The following POSTN variants were observed in gnomAD, a reference collection of about 807,000 sequenced individuals.
The protein encoded by POSTN is osteoblast specific factor 2 (fasciclin I-like).
A neutral mutation model predicts 104.5 loss-of-function variants in POSTN; 71 were observed. The ratio of observed to expected loss-of-function variants is 0.68; its 90% CI spans 0.56 to 0.83. The LOEUF (loss-of-function observed/expected upper bound fraction) is 0.83. Among genes scored for constraint, POSTN ranks in the 40% least tolerant of loss-of-function variants. The pLI, the probability that POSTN is intolerant of heterozygous loss-of-function variation, is 0.00. For missense variants in POSTN, 949 were observed against 1,006.8 expected (o/e 0.94, Z 0.78); for synonymous variants, 355 against 340.7 (o/e 1.04, Z -0.46).
At chr13:37,566,946 G>A (rs1950118906) in intron 21 of POSTN, among the ~76,000 whole-genome samples, 1 of 152,022 alleles carries the variant, frequency 6.6e-6, no homozygotes, top group Admixed American at 6.5e-5. Context: ...TACAAAAAAT[G>A]TACTACATGG....
chr13:37,572,992 C>G (rs545220377), intron 17 of POSTN, among the ~76,000 whole-genome samples: 1 of 151,516 alleles, frequency 6.6e-6, no homozygotes, highest in South Asian at 2.1e-4. Context: ...CATCCATGTT[C>G]CCTTTATAAG....
rs1180312400 is a variant in POSTN, at chr13:37,568,071, A to AT, written c.2431+1228dup. Reference sequence around the variant, plus strand: ...TTTGTCTCTTCCCTCAAATCCTTAGATTTTTTTCCTAGCAGACAGTTGAGC... The same window carrying AT: ...TTTGTCTCTTCCCTCAAATCCTTAGATTTTTTTTCCTAGCAGACAGTTGAGC... On this transcript the variant is annotated intron_variant, in intron 21 of 22. Coordinates refer to ENST00000379747, the MANE Select transcript of POSTN (RefSeq NM_006475.3). 9.2e-5 allele frequency among the ~76,000 whole-genome samples: 14 copies of AT among 151,788 alleles called. No individual in the cohort carries two copies. In the East Asian group the frequency reaches 2.7e-3, roughly 29 times the overall value.
rs1455828669 is a variant in POSTN, at chr13:37,564,427, A to G, written c.2473+92T>C. On this transcript the variant is annotated intron_variant, in intron 22 of 22. Coordinates refer to ENST00000379747, the MANE Select transcript of POSTN (RefSeq NM_006475.3). ...TCTCTCTGATCGATAACAAGTTTCA[A>G]TAAAATACTTTAAAATCTTTCCTAT... The G allele has an allele frequency of 1.1e-5, 8 of 742,138 alleles. No individual in the cohort carries two copies. The Admixed American group carries it at 1.8e-4, about 17-fold the overall frequency. The allele number at this position is 742,138 out of a possible 1,614,324, so 46.0% of individuals were successfully genotyped here.
intron 12 of POSTN, among the ~76,000 whole-genome samples, 198 bp downstream of exon 12, chr13:37,579,663 A>G (rs1950520960): frequency 6.6e-6 from 1 of 152,198 alleles, no homozygotes; most frequent in African/African-American, 2.4e-5. Flanking sequence ...TAGCCCAACA[A>G]CATAACAGTT....
chr13:37,594,174 A>G (rs963933164), intron 2 of POSTN, among the ~76,000 whole-genome samples: 1 of 152,142 alleles, frequency 6.6e-6, no homozygotes, highest in Non-Finnish European at 1.5e-5. Flanking sequence ...AATTGCTTAT[A>G]TATTAGCTTT....
At chr13:37,569,230 T>C in intron 21 of POSTN, 70 bp downstream of exon 21, 2 of 1,108,180 alleles carry the variant, frequency 1.8e-6, no homozygotes, top group Non-Finnish European at 2.7e-6. Context: ...ATCTGCTTGC[T>C]CAGTCTTTAA....
At chr13:37,593,222 T>C (rs1950994791) in intron 2 of POSTN, among the ~76,000 whole-genome samples, 1 of 150,490 alleles carries the variant, frequency 6.6e-6, no homozygotes, top group African/African-American at 2.4e-5. Flanking sequence ...TCTAATTTAC[T>C]ATATTTTGAG....
chr13:37,565,824 C>T (rs1198505629), intron 21 of POSTN, among the ~76,000 whole-genome samples: 3 of 152,056 alleles, frequency 2.0e-5, no homozygotes, highest in Non-Finnish European at 4.4e-5. Flanking sequence ...ATAAATATTT[C>T]TTAACTTCAG....
chr13:37,587,110 A>G (rs1950770180), intron 5 of POSTN, among the ~76,000 whole-genome samples, 182 bp from the exon 6 acceptor site: 1 of 152,206 alleles, frequency 6.6e-6, no homozygotes, highest in Non-Finnish European at 1.5e-5. Flanking sequence ...AGAAACTGTA[A>G]GAGAAAAGGG....
rs1387546539 is a variant in POSTN at position 37,577,744 on chromosome 13, T to C, written c.2008+9A>G. 1.2e-6 allele frequency: 2 copies of C among 1,612,182 alleles called. No homozygotes were observed. Among genetic ancestry groups the C allele is most frequent in the Non-Finnish European group, 8.5e-7 (1 of 1,178,970 alleles). On this transcript the variant is annotated intron_variant, in intron 16 of 22. Coordinates refer to ENST00000379747, the MANE Select transcript of POSTN (RefSeq NM_006475.3). ...CCACCCAGGTGGCCAATATTTATTA[T>C]ATACTTACTATAGACAGTCACGGGG... is the stretch of plus-strand genomic sequence containing the variant.
At position 37,579,029 on chromosome 13, in the gene POSTN, G is replaced by A. The variant is rs778609341; in HGVS notation, c.1884C>T (p.Leu628=). Reference sequence around the variant, plus strand: ...TCAATAATTACAAACCTGCTGGATAGAGGAGTTTATCTACAACATGAATTA... The same window carrying A: ...TCAATAATTACAAACCTGCTGGATAAAGGAGTTTATCTACAACATGAATTA... ...NGVIHVVDKL[L]YPADTPVGND... Residue 628 remains leucine, a synonymous_variant, in exon 14 of 23, where the codon CTC becomes CTT. Transcript: ENST00000379747. 6.2e-7 allele frequency: 1 copy of A among 1,613,088 alleles called. No homozygotes were observed. Among genetic ancestry groups the A allele is most frequent in the Non-Finnish European group, 8.5e-7 (1 of 1,179,562 alleles).
chr13:37,580,143 A>T (rs1005351020), intron 11 of POSTN, 152 bp from the exon 12 acceptor site: 1 of 766,166 alleles, frequency 1.3e-6, no homozygotes, highest in African/African-American at 1.8e-5. Flanking sequence ...TTTACCTGTT[A>T]AAAGTTTTAT....
At chr13:37,568,972 G>A (rs1950186809) in intron 21 of POSTN, 3 of 170,748 alleles carry the variant, frequency 1.8e-5, no homozygotes, top group Non-Finnish European at 3.7e-5. Flanking sequence ...TATCAAATTT[G>A]GGCTTGTTTA....
intron 3 of POSTN, among the ~76,000 whole-genome samples, chr13:37,591,847 T>C (rs1344084969): frequency 6.6e-6 from 1 of 152,216 alleles, no homozygotes; most frequent in African/African-American, 2.4e-5. Context: ...AAGAGTTTTG[T>C]TCCTGAAGGG....
At chr13:37,566,338 A>G (rs1950099654) in intron 21 of POSTN, among the ~76,000 whole-genome samples, 1 of 152,142 alleles carries the variant, frequency 6.6e-6, no homozygotes, top group African/African-American at 2.4e-5. Context: ...TTTTATTTGC[A>G]TGTTTGTTTT....
intron 21 of POSTN, among the ~76,000 whole-genome samples, chr13:37,567,297 T>C (rs894352580): frequency 4.1e-5 from 6 of 147,788 alleles, no homozygotes; most frequent in Non-Finnish European, 7.5e-5. Flanking sequence ...ACTGTTTAGA[T>C]AGAAAATTCA....
At position 37,564,555 on chromosome 13, in the gene POSTN, G is replaced by A. The variant is rs747299298; in HGVS notation, c.2437C>T (p.Pro813Ser). 5.0e-6 allele frequency: 8 copies of A among 1,593,742 alleles called. No homozygotes were observed. The highest frequency in any genetic ancestry group is 6.9e-6 in the Non-Finnish European group (8 of 1,164,030). Residue 813 changes from proline to serine, a missense_variant, in exon 22 of 23, where the codon CCC (proline) becomes TCC (serine). By Grantham distance (74) the Pro-to-Ser change is moderately conservative. Transcript: ENST00000379747. ...TTGTTGGCTTGCAACTTCCTCACGG[G>A]TGTGTCTAAAATTAAATTGTTGTAG... ...EIKRLLQGDT[P>S]VRKLQANKKV...
chr13:37,589,299 T>C (rs1203965185), intron 4 of POSTN, among the ~76,000 whole-genome samples: 2 of 151,996 alleles, frequency 1.3e-5, no homozygotes, highest in African/African-American at 4.8e-5. Flanking sequence ...AAGAGCAGAG[T>C]CAAGTGCTGG....
Position 37,588,377 on chromosome 13 carries a change from G to T in POSTN, c.442-391C>A, listed in dbSNP as rs190792649. On this transcript the variant is annotated intron_variant, in intron 4 of 22. Transcript: ENST00000379747. ...TATGCAACACTTAAGTTTTAACAAG[G>T]GTTTCATGTTTATTCCATAACAAAT... Among the ~76,000 whole-genome samples, 7 of 143,432 alleles carry T rather than the reference G, an allele frequency of 4.9e-5. 1 individual carries two copies. In the South Asian group the frequency reaches 1.2e-3, roughly 26 times the overall value. 94.1% of individuals were successfully genotyped at this position (143,432 alleles called of 152,430 possible). A position where few individuals can be genotyped will look rare whatever the true frequency, so the allele number is the denominator to read the frequency against.
Sources: allele counts gnomAD v4.1 joint callset (sites outside exome capture counted in the v4.1 genomes callset), GRCh38; gene constraint gnomAD v4.1.1; transcripts MANE v1.5; gene names NCBI Gene and HGNC (gene_info 2026-07-23, HGNC 2026-07-21).